Variants in PLPP4 observed in about 807,000 individuals in gnomAD.
PLPP4 encodes the protein diacylglycerol pyrophosphate like 2.
PLPP4 carries 20 observed loss-of-function variants against 32.2 expected under a neutral mutation model. That is an observed-to-expected ratio of 0.62 (90% CI 0.44 to 0.90). The LOEUF (loss-of-function observed/expected upper bound fraction) is 0.90, where lower values mean the gene tolerates loss of function less well. PLPP4 is among the 40% of genes least tolerant of loss of function. PLPP4 has a pLI of 0.00. For synonymous variants in PLPP4, 127 were observed against 133.0 expected (o/e 0.95, Z 0.31); for missense variants, 257 against 353.1 (o/e 0.73, Z 2.18).
intron 5 of PLPP4, among the ~76,000 whole-genome samples, chr10:120,572,044 G>A (rs1443898141): frequency 6.6e-6 from 1 of 152,206 alleles, no homozygotes; most frequent in Non-Finnish European, 1.5e-5. Context: ...ACTGGCTGCT[G>A]CTGGGTGCCC....
At chr10:120,549,487 G>A (rs1224788842) in intron 5 of PLPP4, among the ~76,000 whole-genome samples, 1 of 151,720 alleles carries the variant, frequency 6.6e-6, no homozygotes, top group Admixed American at 6.6e-5. Context: ...GAAGAACAGG[G>A]AACATTTCCC....
chr10:120,529,123 T>C (rs769991525), intron 5 of PLPP4, among the ~76,000 whole-genome samples: 1 of 152,162 alleles, frequency 6.6e-6, no homozygotes, highest in Non-Finnish European at 1.5e-5. Context: ...CACTGGGCAG[T>C]TTTGCACCCC....
At chr10:120,546,698 A>C (rs564765095) in intron 5 of PLPP4, among the ~76,000 whole-genome samples, 1 of 152,266 alleles carries the variant, frequency 6.6e-6, no homozygotes, top group South Asian at 2.1e-4. Context: ...GGCACAGTAG[A>C]TGTTGAGAAA....
At chr10:120,560,955 G>A (rs371103034) in intron 5 of PLPP4, among the ~76,000 whole-genome samples, 3 of 152,040 alleles carry the variant, frequency 2.0e-5, no homozygotes, top group African/African-American at 7.3e-5. Flanking sequence ...GGGTGTCGGT[G>A]CCCCTATCCC....
At chr10:120,535,026 TTTG>T (rs1355143837) in intron 5 of PLPP4, among the ~76,000 whole-genome samples, 1 of 152,156 alleles carries the variant, frequency 6.6e-6, no homozygotes. Flanking sequence ...GTCTCATTTT[TTTG>T]TTGTTGTTGG....
At chr10:120,479,175 G>A (rs986524024) in intron 1 of PLPP4, among the ~76,000 whole-genome samples, 4 of 152,124 alleles carry the variant, frequency 2.6e-5, no homozygotes, top group East Asian at 1.9e-4. Flanking sequence ...GCAGTGAGCC[G>A]AGACTGTGCC....
Position 120,491,511 on chromosome 10 carries a change from TAA to T in PLPP4, c.57-12306_57-12305del, listed in dbSNP as rs1589756405. Among the ~76,000 whole-genome samples, 12 of 60,968 alleles carry T rather than the reference TAA, an allele frequency of 2.0e-4. No individual in the cohort carries two copies. In the South Asian group the frequency reaches 5.7e-3, roughly 29 times the overall value. 40.0% of individuals were successfully genotyped at this position (60,968 alleles called of 152,430 possible). The stretch of plus-strand genomic sequence containing the variant: ...CTATCCTGCCCTTCCTTTTACTTTC[TAA>T]TTTTTCTCATTATTCTTCCCATTGT... On this transcript the variant is annotated intron_variant, in intron 1 of 6. Transcript: ENST00000398250.
At chr10:120,539,332 C>T (rs931684775) in intron 5 of PLPP4, among the ~76,000 whole-genome samples, 11 of 152,234 alleles carry the variant, frequency 7.2e-5, no homozygotes, top group African/African-American at 9.6e-5. Flanking sequence ...CTTTCAGCCT[C>T]GGTCTAATCA....
In PLPP4 at chr10:120,575,135, C is replaced by G; in HGVS notation, c.450C>G (p.Ala150=). 7 of 1,612,684 alleles carry G rather than the reference C, an allele frequency of 4.3e-6. No individual in the cohort carries two copies. Among genetic ancestry groups the G allele is most frequent in the Non-Finnish European group, 5.9e-6 (7 of 1,179,198 alleles). Residue 150 remains alanine, a synonymous_variant, in exon 6 of 7, where the codon GCC becomes GCG. Transcript: ENST00000398250. The stretch of plus-strand genomic sequence containing the variant: ...CCTGCTGTTTCTGTTTGGCAGTTGC[C>G]TTTTCGGGCCTTGGCTTCACGACGT... ...KSFPSIHSSF[A]FSGLGFTTFY... is the part of the protein sequence containing the mutation.
intron 2 of PLPP4, among the ~76,000 whole-genome samples, chr10:120,507,890 A>C (rs1228224553): frequency 6.6e-6 from 1 of 152,232 alleles, no homozygotes; most frequent in Non-Finnish European, 1.5e-5. Flanking sequence ...AGGGAGGGGC[A>C]CAGACATGAA....
At chr10:120,581,373 C>T in intron 6 of PLPP4, 2 of 893,274 alleles carry the variant, frequency 2.2e-6, no homozygotes, top group Non-Finnish European at 2.7e-6. Context: ...ATTGCAGAAG[C>T]CTCTCAGCCT....
chr10:120,488,566 G>A (rs1035438572), intron 1 of PLPP4, among the ~76,000 whole-genome samples: 6 of 152,240 alleles, frequency 3.9e-5, no homozygotes, highest in African/African-American at 1.2e-4. Flanking sequence ...CAAGGAAGTA[G>A]CAACATTGAA....
At chr10:120,538,837 G>T (rs1847194949) in intron 5 of PLPP4, among the ~76,000 whole-genome samples, 1 of 152,064 alleles carries the variant, frequency 6.6e-6, no homozygotes, top group Admixed American at 6.6e-5. Context: ...ACTATTACTA[G>T]CCCTATTGTC....
At chr10:120,514,789 G>T (rs1350025083) in intron 3 of PLPP4, among the ~76,000 whole-genome samples, 5 of 152,138 alleles carry the variant, frequency 3.3e-5, no homozygotes, top group African/African-American at 1.2e-4. Context: ...AACCAAATCA[G>T]GTTGATTTTT....
intron 1 of PLPP4, among the ~76,000 whole-genome samples, chr10:120,488,478 C>T (rs1589751643): frequency 6.6e-6 from 1 of 152,198 alleles, no homozygotes; most frequent in Non-Finnish European, 1.5e-5. Context: ...TTTCAGAATT[C>T]GTGCTTTTCA....
At chr10:120,511,885 G>A (rs900205007) in intron 2 of PLPP4, among the ~76,000 whole-genome samples, 2 of 152,154 alleles carry the variant, frequency 1.3e-5, no homozygotes, top group Admixed American at 1.3e-4. Flanking sequence ...GAGGTCAGGA[G>A]ATAGAGACCA....
At chr10:120,510,740 C>T (rs1845692613) in intron 2 of PLPP4, among the ~76,000 whole-genome samples, 1 of 152,196 alleles carries the variant, frequency 6.6e-6, no homozygotes, top group African/African-American at 2.4e-5. Flanking sequence ...CTGAAGTTCA[C>T]CTCTTAATTC....
Position 120,568,916 on chromosome 10 carries a change from G to A in PLPP4, c.446-6215G>A, listed in dbSNP as rs565559635. On this transcript the variant is annotated intron_variant, in intron 5 of 6. Coordinates refer to ENST00000398250, the MANE Select transcript of PLPP4 (RefSeq NM_001030059.3). ...ATCAAGGAGTGTGGGGTGGACAGTG[G>A]AGCCAAAGCACCTTCTGTCATTCAA... Among the ~76,000 whole-genome samples, 4 of 152,246 alleles carry A rather than the reference G, an allele frequency of 2.6e-5. No individual in the cohort carries two copies. The South Asian group carries it at 8.3e-4, about 32-fold the overall frequency.
intron 1 of PLPP4, among the ~76,000 whole-genome samples, chr10:120,462,769 G>T (rs369650796): frequency 1.4e-5 from 2 of 147,752 alleles, no homozygotes; most frequent in Non-Finnish European, 3.1e-5. Context: ...TTGAACAGGG[G>T]CTCCTTCCAT....
Sources: gnomAD v4.1 joint callset for allele counts (sites outside exome capture counted in the v4.1 genomes callset) on GRCh38, gnomAD v4.1.1 for gene constraint, MANE v1.5 for transcripts, NCBI Gene and HGNC (gene_info 2026-07-23, HGNC 2026-07-21) for gene names.